Variants in STXBP4 observed in about 807,000 individuals in gnomAD.
STXBP4 encodes the protein syntaxin-binding protein 4.
STXBP4 carries 55 observed loss-of-function variants against 76.1 expected under a neutral mutation model. The ratio of observed to expected loss-of-function variants is 0.72; its 90% CI spans 0.58 to 0.91. The LOEUF (loss-of-function observed/expected upper bound fraction) is 0.91. STXBP4 is among the 40% of genes least tolerant of loss of function. The pLI is 0.00. For missense variants in STXBP4, 618 were observed against 636.9 expected, an observed-to-expected ratio of 0.97 and a Z score of 0.32; for synonymous variants, 201 against 220.2, an observed-to-expected ratio of 0.91 and a Z score of 0.77.
At chr17:55,101,801 T>C (rs1788939570) in intron 16 of STXBP4, among the ~76,000 whole-genome samples, 1 of 152,136 alleles carries the variant, frequency 6.6e-6, no homozygotes, top group African/African-American at 2.4e-5. Context: ...ACTTCATAGT[T>C]CTCTTTATTT....
At chr17:55,201,553 T>A in the STXBP4 span, among the ~76,000 whole-genome samples, 1 of 152,222 alleles carries the variant, frequency 6.6e-6, no homozygotes, top group Non-Finnish European at 1.5e-5. Context: ...AATATTAAGA[T>A]ACCTAGTAAT....
intron 16 of STXBP4, among the ~76,000 whole-genome samples, chr17:55,110,831 A>G (rs2079703526): frequency 6.6e-6 from 1 of 152,210 alleles, no homozygotes; most frequent in Non-Finnish European, 1.5e-5. Flanking sequence ...TTTAAAAGTA[A>G]TGGTAAATAA....
intron 17 of STXBP4, among the ~76,000 whole-genome samples, chr17:55,148,050 C>A (rs2080176381): frequency 6.6e-6 from 1 of 152,168 alleles, no homozygotes; most frequent in East Asian, 1.9e-4. Context: ...ACACCCCTAC[C>A]CCAAATTTCT....
intron 3 of STXBP4, among the ~76,000 whole-genome samples, chr17:54,987,974 ATACT>A (rs1276124899): frequency 6.6e-6 from 1 of 152,150 alleles, no homozygotes; most frequent in South Asian, 2.1e-4. Context: ...ACTATTTTTA[ATACT>A]TAATAGGAAA....
chr17:55,196,284 G>A, the STXBP4 span, among the ~76,000 whole-genome samples: 2 of 152,072 alleles, frequency 1.3e-5, no homozygotes, highest in African/African-American at 4.8e-5. Flanking sequence ...AAGGATAGCA[G>A]ACAAGTGCCT....
chr17:55,183,436 T>G, the STXBP4 span, among the ~76,000 whole-genome samples: 3 of 151,900 alleles, frequency 2.0e-5, no homozygotes, highest in African/African-American at 2.4e-5. Context: ...AAATAAATAA[T>G]AAATAAGAAG....
At chr17:54,974,570 A>T (rs577413671) in intron 1 of STXBP4, among the ~76,000 whole-genome samples, 1 of 152,368 alleles carries the variant, frequency 6.6e-6, no homozygotes, top group Non-Finnish European at 1.5e-5. Context: ...GGCCAGCTTC[A>T]TGAAAATATG....
intron 13 of STXBP4, among the ~76,000 whole-genome samples, chr17:55,073,717 C>T (rs1423376049): frequency 6.6e-6 from 1 of 152,194 alleles, no homozygotes. Flanking sequence ...CAACCTCCGC[C>T]TCCCAGGTTC....
At chr17:55,064,629 G>A (rs1006391186) in intron 12 of STXBP4, among the ~76,000 whole-genome samples, 1 of 151,984 alleles carries the variant, frequency 6.6e-6, no homozygotes, top group Admixed American at 6.6e-5. Flanking sequence ...GAGTAGCTGG[G>A]ATTGCAGGCA....
chr17:55,078,236 A>G (rs747500267), intron 14 of STXBP4, 42 bp downstream of exon 14: 12 of 1,264,384 alleles, frequency 9.5e-6, no homozygotes, highest in Admixed American at 5.8e-5. Context: ...TAAAAAATAT[A>G]TAGGCAACTG....
the STXBP4 span, among the ~76,000 whole-genome samples, chr17:55,201,302 T>C: frequency 1.3e-5 from 2 of 151,998 alleles, no homozygotes; most frequent in African/African-American, 4.8e-5. Flanking sequence ...AAATAATAAA[T>C]ATCCATTTCA....
At chr17:55,073,530 T>C (rs957506439) in intron 13 of STXBP4, among the ~76,000 whole-genome samples, 1 of 152,154 alleles carries the variant, frequency 6.6e-6, no homozygotes, top group African/African-American at 2.4e-5. Flanking sequence ...GAAACTGAGT[T>C]TGAATTTTTT....
chr17:55,189,298 C>T, the STXBP4 span, among the ~76,000 whole-genome samples: 2 of 152,168 alleles, frequency 1.3e-5, no homozygotes, highest in African/African-American at 4.8e-5. Context: ...ACAATAATTA[C>T]ACTGATGACC....
chr17:55,130,750 C>T (rs1176722674), intron 16 of STXBP4, among the ~76,000 whole-genome samples: 2 of 152,152 alleles, frequency 1.3e-5, no homozygotes, highest in African/African-American at 2.4e-5. Flanking sequence ...TTAGGTTTCA[C>T]GTATAAGTAG....
At chr17:55,034,966 CCTT>C (rs1449297646) in intron 10 of STXBP4, among the ~76,000 whole-genome samples, 1 of 151,862 alleles carries the variant, frequency 6.6e-6, no homozygotes, top group Non-Finnish European at 1.5e-5. Context: ...TTAAGGACCT[CCTT>C]CTTAATTTAT....
At chr17:54,973,681 A>T (rs1273055419) in intron 1 of STXBP4, among the ~76,000 whole-genome samples, 1 of 152,256 alleles carries the variant, frequency 6.6e-6, no homozygotes, top group East Asian at 1.9e-4. Context: ...TTGTAATAAT[A>T]CATAAATTGT....
intron 16 of STXBP4, among the ~76,000 whole-genome samples, chr17:55,087,970 A>G (rs527605693): frequency 6.6e-6 from 1 of 152,302 alleles, no homozygotes; most frequent in Admixed American, 6.5e-5. Context: ...TTTTCCTTAT[A>G]GAGGTATTAC....
intron 16 of STXBP4, among the ~76,000 whole-genome samples, chr17:55,087,242 G>T (rs931598326): frequency 3.3e-5 from 5 of 152,096 alleles, no homozygotes; most frequent in African/African-American, 1.2e-4. Context: ...ACTCTTGATT[G>T]TTACCTTTGC....
intron 17 of STXBP4, among the ~76,000 whole-genome samples, chr17:55,154,157 C>T (rs762397093): frequency 2.0e-5 from 3 of 152,130 alleles, no homozygotes; most frequent in Non-Finnish European, 2.9e-5. Context: ...TCTCTGCCCT[C>T]CCTAATGGCC....
Sources: allele counts gnomAD v4.1 joint callset (sites outside exome capture counted in the v4.1 genomes callset), GRCh38; gene constraint gnomAD v4.1.1; transcripts MANE v1.5; gene names NCBI Gene and HGNC (gene_info 2026-07-23, HGNC 2026-07-21).